The following TLK2 variants were observed in gnomAD, a reference collection of about 807,000 sequenced individuals.
The protein encoded by TLK2 is serine/threonine-protein kinase tousled-like 2.
TLK2 carries 6 observed loss-of-function variants against 117.3 expected under a neutral mutation model. The ratio of observed to expected loss-of-function variants is 0.05; its 90% confidence interval spans 0.03 to 0.10. TLK2 has a LOEUF of 0.10. TLK2 is among the 10% of genes least tolerant of loss of function. The pLI is 1.00. For missense variants in TLK2, 299 were observed against 901.2 expected (o/e 0.33, Z 8.56); for synonymous variants, 257 against 316.7 (o/e 0.81, Z 2.00).
chr17:62,533,364 C>CGG (rs1241696478), intron 6 of TLK2, among the ~76,000 whole-genome samples: 1 of 113,470 alleles, frequency 8.8e-6, no homozygotes, highest in Non-Finnish European at 1.9e-5. Flanking sequence ...TATTCCTATA[C>CGG]GGGGTGTGTG....
chr17:62,493,033 G>C (rs559180304), intron 2 of TLK2, among the ~76,000 whole-genome samples: 15 of 152,162 alleles, frequency 9.9e-5, no homozygotes, highest in African/African-American at 3.4e-4. Context: ...GGAGGTGGAG[G>C]TTGCAGTGAG....
At chr17:62,481,589 G>C (rs1283789722) in intron 2 of TLK2, among the ~76,000 whole-genome samples, 2 of 152,188 alleles carry the variant, frequency 1.3e-5, no homozygotes, top group Non-Finnish European at 2.9e-5. Flanking sequence ...GTAGTTACAT[G>C]GTAGAGTATT....
At chr17:62,482,432 G>A (rs2071779156) in intron 2 of TLK2, among the ~76,000 whole-genome samples, 2 of 150,554 alleles carry the variant, frequency 1.3e-5, no homozygotes, top group Non-Finnish European at 3.0e-5. Context: ...TTGGTGAGCC[G>A]GGATAGCTTG....
intron 9 of TLK2, among the ~76,000 whole-genome samples, chr17:62,554,740 G>A (rs1027007602): frequency 2.6e-5 from 4 of 152,010 alleles, no homozygotes; most frequent in Non-Finnish European, 4.4e-5. Flanking sequence ...AATTTGCCAG[G>A]CATGGTGGTG....
chr17:62,588,962 C>CT (rs1328954317), intron 16 of TLK2, among the ~76,000 whole-genome samples: 1 of 152,138 alleles, frequency 6.6e-6, no homozygotes, highest in East Asian at 1.9e-4. Context: ...CTAGTAAGGT[C>CT]TGTTAATTGC....
intron 2 of TLK2, among the ~76,000 whole-genome samples, chr17:62,497,099 A>G (rs932896923): frequency 6.6e-6 from 1 of 152,112 alleles, no homozygotes; most frequent in Non-Finnish European, 1.5e-5. Context: ...TCTCCAAAAA[A>G]TACAAATAAT....
rs769332442 is a variant in TLK2, at chr17:62,586,124, T to C, written c.1369-11T>C. The C allele has an allele frequency of 6.3e-7, 1 of 1,599,026 alleles. No homozygotes were observed. The highest frequency in any genetic ancestry group is 2.2e-5 in the East Asian group (1 of 44,714). On this transcript the variant is annotated splice_polypyrimidine_tract_variant and intron_variant, in intron 15 of 21. Coordinates refer to ENST00000346027, the MANE Select transcript of TLK2 (RefSeq NM_006852.6). Reference sequence around the variant, plus strand: ...AACATTTACCCAGTATATAATTTATTCTCTTTATAGGCATTTGATCTAACA... The same window carrying C: ...AACATTTACCCAGTATATAATTTATCCTCTTTATAGGCATTTGATCTAACA...
intron 16 of TLK2, 112 bp downstream of exon 16, chr17:62,586,338 A>C: frequency 2.8e-6 from 2 of 708,962 alleles, no homozygotes. Context: ...TGTAATCTTC[A>C]TAACTGCCCT....
rs376906052 is a variant in TLK2 at position 62,492,561 on chromosome 17, G to A, written c.81+11355G>A. On this transcript the variant is annotated intron_variant, in intron 2 of 21. Coordinates refer to ENST00000346027, the MANE Select transcript of TLK2 (RefSeq NM_006852.6). Reference sequence around the variant, plus strand: ...TGATCTCCGCCTCCCAGGTTCAAGCGATTCTCCTGCCTCAGCTTCCCGAGT... The same window carrying A: ...TGATCTCCGCCTCCCAGGTTCAAGCAATTCTCCTGCCTCAGCTTCCCGAGT... 3.8e-3 allele frequency among the ~76,000 whole-genome samples: 577 copies of A among 151,922 alleles called. 3 individuals are homozygous for A. Among genetic ancestry groups the A allele is most frequent in the African/African-American group, 0.013 (536 of 41,466 alleles).
rs182677863 is a variant in TLK2 at position 62,521,008 on chromosome 17, A to G, written c.153+164A>G. Among the ~76,000 whole-genome samples, 534 of 152,266 alleles carry G rather than the reference A, an allele frequency of 3.5e-3. 2 individuals are homozygous for G. Among genetic ancestry groups the G allele is most frequent in the African/African-American group, 0.012 (499 of 41,532 alleles). On this transcript the variant is annotated intron_variant, in intron 3 of 21. Transcript: ENST00000346027. ...GGCAACATAGTGAGAACTCGTTTCT[A>G]CAAAAAAACTTAGCAGGGTGTGGTG...
Position 62,549,419 on chromosome 17 carries a change from A to AAAAAAAAAAAAAAG in TLK2, c.532-2870_532-2869insGAAAAAAAAAAAAA, listed in dbSNP as rs2078238813. Reference sequence around the variant, plus strand: ...ATCTCAAAAAAAAAAAAAAAAAAAAAAAAAAAAAAAAAAAAAAATAGAAAC... The same window carrying AAAAAAAAAAAAAAG: ...ATCTCAAAAAAAAAAAAAAAAAAAAAAAAAAAAAAAAAAGAAAAAAAAAAAAAAAAAATAGAAAC... On this transcript the variant is annotated intron_variant, in intron 7 of 21. Transcript: ENST00000346027. 7.7e-4 allele frequency among the ~76,000 whole-genome samples: 6 copies of AAAAAAAAAAAAAAG among 7,744 alleles called. 1 individual carries two copies. The highest frequency in any genetic ancestry group is 1.9e-3 in the Non-Finnish European group (4 of 2,094). The allele number at this position is 7,744 out of a possible 152,430, so 5.1% of individuals were successfully genotyped here.
upstream of TLK2, among the ~76,000 whole-genome samples, chr17:62,476,733 A>C (rs1162909229): frequency 4.6e-5 from 7 of 152,108 alleles, no homozygotes; most frequent in Non-Finnish European, 7.4e-5. Context: ...CTCTGACTCC[A>C]TTGAGTGCTT....
intron 15 of TLK2, among the ~76,000 whole-genome samples, chr17:62,580,791 G>A (rs757558480): frequency 4.6e-5 from 7 of 152,104 alleles, no homozygotes; most frequent in Non-Finnish European, 1.0e-4. Context: ...TTTTCTACGT[G>A]TTTCTGGCAC....
intron 16 of TLK2, among the ~76,000 whole-genome samples, chr17:62,594,262 G>A (rs1181702301): frequency 1.3e-5 from 2 of 152,026 alleles, no homozygotes; most frequent in African/African-American, 4.8e-5. Flanking sequence ...ACAAAAATTA[G>A]CTGGGCGTGC....
chr17:62,572,264 A>C (rs1275825480), intron 11 of TLK2, among the ~76,000 whole-genome samples: 1 of 152,030 alleles, frequency 6.6e-6, no homozygotes, highest in African/African-American at 2.4e-5. Context: ...CAGTAGAGGA[A>C]GAAGGAGAAG....
chr17:62,497,073 G>T (rs562398974), intron 2 of TLK2, among the ~76,000 whole-genome samples: 91 of 151,866 alleles, frequency 6.0e-4, no homozygotes, highest in Non-Finnish European at 1.2e-3. Context: ...CCTGGGCAAA[G>T]TGGTGAAACC....
rs1244557180 is a variant in TLK2 at position 62,613,454 on chromosome 17, T to G, written c.*889T>G. 6.6e-6 allele frequency: 1 copy of G among 152,608 alleles called. No individual in the cohort carries two copies. Among genetic ancestry groups the G allele is most frequent in the African/African-American group, 2.4e-5 (1 of 41,420 alleles). The allele number at this position is 152,608 out of a possible 1,614,324, so 9.5% of individuals were successfully genotyped here. On this transcript the variant is annotated 3_prime_UTR_variant, in exon 22 of 22. Transcript: ENST00000346027. ...GTTGTCCCTTTTAATTTATTTGAAG[T>G]GCTATTTTTTTAAATAAAGGTTCAT...
chr17:62,559,323 ATGTGCTTAATCACT>A (rs1432562567), intron 9 of TLK2, among the ~76,000 whole-genome samples: 1 of 151,726 alleles, frequency 6.6e-6, no homozygotes, highest in Non-Finnish European at 1.5e-5. Context: ...ATTTTTTTGT[ATGTGCTTAATCACT>A]CTTTGTATTT....
intron 6 of TLK2, among the ~76,000 whole-genome samples, chr17:62,530,489 T>G (rs2076668624): frequency 6.6e-6 from 1 of 151,978 alleles, no homozygotes; most frequent in African/African-American, 2.4e-5. Context: ...AAAGAAAAAA[T>G]AAGAATAAAT....
Sources: allele counts gnomAD v4.1 joint callset (sites outside exome capture counted in the v4.1 genomes callset), GRCh38; gene constraint gnomAD v4.1.1; transcripts MANE v1.5; gene names NCBI Gene and HGNC (gene_info 2026-07-23, HGNC 2026-07-21).